Variants in ZNF517 observed in about 807,000 individuals in gnomAD.
The protein encoded by ZNF517 is zinc finger protein 517.
In ZNF517, 12 loss-of-function variants were observed where a neutral mutation model predicts 12.1. The observed-to-expected ratio is 0.99, with a 90% CI of 0.63 to 1.61. The LOEUF is 1.61. Among genes scored for constraint, ZNF517 ranks in the 40% most tolerant of loss-of-function variants. ZNF517 has a pLI of 0.00. For missense variants in ZNF517, 781 were observed against 693.2 expected (o/e 1.13, Z -1.42); for synonymous variants, 388 against 310.2 (o/e 1.25, Z -2.63).
intron 2 of ZNF517, 95 bp downstream of exon 2, chr8:144,803,042 C>G: frequency 6.7e-7 from 1 of 1,498,500 alleles, no homozygotes; most frequent in Non-Finnish European, 9.1e-7. Context: ...TTGCCTCACA[C>G]CCACCCACAT....
chr8:144,809,379 T>C lies in ZNF517; in HGVS notation c.*984T>C, dbSNP rs1405720938. On this transcript the variant is annotated 3_prime_UTR_variant, in exon 5 of 5. Transcript: ENST00000359971. ...GCTGGCGAAGCATTGTTTCTGAGTG[T>C]GTGAGGATGTTTTCAGTGGACTCAG... 1 of 152,182 alleles carries C rather than the reference T, an allele frequency of 6.6e-6. No individual in the cohort carries two copies. The highest frequency in any genetic ancestry group is 2.4e-5 in the African/African-American group (1 of 41,454). 9.4% of individuals were successfully genotyped at this position (152,182 alleles called of 1,614,324 possible).
chr8:144,805,756 C>T (rs1342395250), intron 4 of ZNF517, among the ~76,000 whole-genome samples: 3 of 151,596 alleles, frequency 2.0e-5, no homozygotes, highest in African/African-American at 7.3e-5. Context: ...GCTGGGACTA[C>T]AGACGCCCAC....
At position 144,809,669 on chromosome 8, in the gene ZNF517, C is replaced by G. The variant is rs1208113794; in HGVS notation, c.*1274C>G. 1 of 152,818 alleles carries G rather than the reference C, an allele frequency of 6.5e-6. No homozygotes were observed. The highest frequency in any genetic ancestry group is 1.9e-4 in the East Asian group (1 of 5,204). The allele number at this position is 152,818 out of a possible 1,614,324, so 9.5% of individuals were successfully genotyped here. On this transcript the variant is annotated 3_prime_UTR_variant, in exon 5 of 5. Coordinates refer to ENST00000359971, the MANE Select transcript of ZNF517 (RefSeq NM_213605.3). ...ACCTTCTTACCTGGACTGAGCCTCA[C>G]TTACAGCTTCTCTAGGTCTCCAGCT...
chr8:144,806,633 C>T (rs777218163), intron 4 of ZNF517, among the ~76,000 whole-genome samples: 18 of 151,000 alleles, frequency 1.2e-4, no homozygotes, highest in Non-Finnish European at 2.4e-4. Context: ...TACAGGCGCT[C>T]GCCACCGCAC....
Position 144,807,846 on chromosome 8 carries a change from C to A in ZNF517, c.930C>A (p.Ile310=). 1 of 1,597,758 alleles carries A rather than the reference C, an allele frequency of 6.3e-7. No individual in the cohort carries two copies. The highest frequency in any genetic ancestry group is 1.7e-4 in the Middle Eastern group (1 of 5,990). The change falls in exon 5 of 5, where the codon ATC becomes ATA. Residue 310 remains isoleucine, a synonymous_variant. Transcript: ENST00000359971. Reference sequence around the variant, plus strand: ...TCACCCTCAACGAGCACGGCCGCATCCACAGCGGGGAGCGGCCCTACCGGT... The same window carrying A: ...TCACCCTCAACGAGCACGGCCGCATACACAGCGGGGAGCGGCCCTACCGGT... ...RRFTLNEHGR[I]HSGERPYRCL...
At position 144,803,734 on chromosome 8, in the gene ZNF517, A is replaced by T; in HGVS notation, c.127A>T (p.Met43Leu). ...CCAGCAGGCACTCTACAGGGACGTGATGCTGGAGAACTATGGGAACCTGGC... is the reference window on the plus strand; with the variant it reads ...CCAGCAGGCACTCTACAGGGACGTGTTGCTGGAGAACTATGGGAACCTGGC... ...PDQQALYRDV[M>L]LENYGNLASL... Residue 43 changes from methionine (M) to leucine (L), a missense_variant, in exon 3 of 5, where the codon ATG (methionine) becomes TTG (leucine). Coordinates refer to ENST00000359971, the MANE Select transcript of ZNF517 (RefSeq NM_213605.3). The T allele has an allele frequency of 1.9e-6, 3 of 1,614,148 alleles. No individual in the cohort carries two copies. The highest frequency in any genetic ancestry group is 2.5e-6 in the Non-Finnish European group (3 of 1,179,982).
downstream of ZNF517, chr8:144,810,587 G>A (rs112153467): frequency 0.02 from 4,281 of 214,486 alleles, 160 homozygotes; most frequent in African/African-American, 0.084. Flanking sequence ...CGAAGGTCAG[G>A]GCCAGCCTGG....
rs759115757 is a variant in ZNF517, at chr8:144,807,266, C to T, written c.350C>T (p.Thr117Ile). The T allele has an allele frequency of 1.9e-6, 3 of 1,554,682 alleles. No homozygotes were observed. Among genetic ancestry groups the T allele is most frequent in the Non-Finnish European group, 2.6e-6 (3 of 1,152,704 alleles). ...KLSRQAGLPGTVWGCLPWGHP... is the reference protein window; with the variant it reads ...KLSRQAGLPGIVWGCLPWGHP... Reference sequence around the variant, plus strand: ...TCCAGGCAGGCAGGACTGCCGGGCACCGTGTGGGGGTGCCTCCCCTGGGGG... The same window carrying T: ...TCCAGGCAGGCAGGACTGCCGGGCATCGTGTGGGGGTGCCTCCCCTGGGGG... Residue 117 changes from threonine to isoleucine, a missense_variant, in exon 5 of 5, where the codon ACC (threonine) becomes ATC (isoleucine). Transcript: ENST00000359971.
Position 144,807,868 on chromosome 8 carries a change from C to T in ZNF517, c.952C>T (p.Arg318Trp), listed in dbSNP as rs748031806. 2.5e-6 allele frequency: 4 copies of T among 1,569,714 alleles called. No individual in the cohort carries two copies. The highest frequency in any genetic ancestry group is 2.6e-6 in the Non-Finnish European group (3 of 1,159,654). ...GRIHSGERPY[R>W]CLRCGQRFIR... Reference sequence around the variant, plus strand: ...CATCCACAGCGGGGAGCGGCCCTACCGGTGCCTGCGGTGTGGGCAGCGCTT... The same window carrying T: ...CATCCACAGCGGGGAGCGGCCCTACTGGTGCCTGCGGTGTGGGCAGCGCTT... The change falls in exon 5 of 5, where the codon CGG (arginine) becomes TGG (tryptophan). Residue 318 changes from arginine to tryptophan, a missense_variant. Transcript: ENST00000359971.
chr8:144,810,524 C>T (rs1250798869), downstream of ZNF517: 1 of 333,862 alleles, frequency 3.0e-6, no homozygotes, highest in African/African-American at 2.1e-5. Flanking sequence ...AAGGGTTGTC[C>T]CTGAGCATCC....
chr8:144,801,719 A>G (rs1826972177), intron 1 of ZNF517, among the ~76,000 whole-genome samples: 1 of 152,146 alleles, frequency 6.6e-6, no homozygotes, highest in South Asian at 2.1e-4. Flanking sequence ...GCACCTGGCC[A>G]AAAAAGTGTT....
rs749846497 is a variant in ZNF517 at position 144,802,919 on chromosome 8, C to T, written c.5C>T (p.Ala2Val). 8 of 1,613,942 alleles carry T rather than the reference C, an allele frequency of 5.0e-6. No individual in the cohort carries two copies. Among genetic ancestry groups the T allele is most frequent in the East Asian group, 2.2e-5 (1 of 44,874 alleles). M[A>V]MALPMPGPQE... ...CCTCCACAGAGGGACCCTGGAATGG[C>T]GATGGCACTCCCGATGCCTGGACCT... The change falls in exon 2 of 5, where the codon GCG becomes GTG. Residue 2 changes from alanine (A) to valine (V), a missense_variant. Ala to Val is a moderately conservative substitution (Grantham distance 64). Coordinates refer to ENST00000359971, the MANE Select transcript of ZNF517 (RefSeq NM_213605.3).
Position 144,808,435 on chromosome 8 carries a change from A to G in ZNF517, c.*40A>G. ...GGCCGAGGATTCACGCTGGAAGCCC[A>G]CCCAAGCCGGCGGGGCCCTAGCGCA... On this transcript the variant is annotated 3_prime_UTR_variant, in exon 5 of 5. Coordinates refer to ENST00000359971, the MANE Select transcript of ZNF517 (RefSeq NM_213605.3). The G allele has an allele frequency of 2.1e-6, 3 of 1,436,908 alleles. No individual in the cohort carries two copies. Among genetic ancestry groups the G allele is most frequent in the Non-Finnish European group, 2.7e-6 (3 of 1,095,722 alleles). The allele number at this position is 1,436,908 out of a possible 1,614,324, so 89.0% of individuals were successfully genotyped here. A position where few individuals can be genotyped will look rare whatever the true frequency, so the allele number is the denominator to read the frequency against.
chr8:144,807,709 G>GAGTGCGGCA lies in ZNF517; in HGVS notation c.796_804dup (p.Cys266_Lys268dup), dbSNP rs1827326319. ...CCGCGAGCGGCCCTACGCATGCGGC[G>GAGTGCGGCA]AGTGCGGCAAGGCCTTCAGCCGCAG... On this transcript the variant is annotated inframe_insertion, in exon 5 of 5. Coordinates refer to ENST00000359971, the MANE Select transcript of ZNF517 (RefSeq NM_213605.3). 6.2e-7 allele frequency: 1 copy of GAGTGCGGCA among 1,611,436 alleles called. No individual in the cohort carries two copies. The highest frequency in any genetic ancestry group is 8.5e-7 in the Non-Finnish European group (1 of 1,179,442).
chr8:144,801,548 G>A (rs978886621), intron 1 of ZNF517, among the ~76,000 whole-genome samples: 1 of 151,988 alleles, frequency 6.6e-6, no homozygotes, highest in Non-Finnish European at 1.5e-5. Flanking sequence ...CGCGATCTCA[G>A]CTCACTGCAA....
In ZNF517 at chr8:144,803,380, G is replaced by A. The variant is rs1827062286; in HGVS notation, c.34-261G>A. On this transcript the variant is annotated intron_variant, in intron 2 of 4. Coordinates refer to ENST00000359971, the MANE Select transcript of ZNF517 (RefSeq NM_213605.3). ...ATCCCTGATAGCCTGTGGAGAGGGC[G>A]AGGCCAAGGTTGGGACCCCCTTCCT... 2.7e-5 allele frequency: 14 copies of A among 518,522 alleles called. No individual in the cohort carries two copies. The East Asian group carries it at 3.9e-4, about 15-fold the overall frequency. The allele number at this position is 518,522 out of a possible 1,614,324, so 32.1% of individuals were successfully genotyped here.
rs745426670 is a variant in ZNF517 at position 144,808,131 on chromosome 8, C to G, written c.1215C>G (p.Phe405Leu). The part of the protein sequence containing the change: ...PFECAECGKA[F>L]GRKSNLTLHQ... ...AGTGCGCGGAGTGCGGCAAGGCCTT[C>G]GGTCGCAAGTCCAACCTCACTCTGC... Residue 405 changes from phenylalanine (F) to leucine (L), a missense_variant, in exon 5 of 5, where the codon TTC becomes TTG. By Grantham distance (22) the Phe-to-Leu change is conservative. Coordinates refer to ENST00000359971, the MANE Select transcript of ZNF517 (RefSeq NM_213605.3). 6.2e-7 allele frequency: 1 copy of G among 1,612,376 alleles called. No individual in the cohort carries two copies. The highest frequency in any genetic ancestry group is 1.7e-5 in the Admixed American group (1 of 59,944).
rs577529470 is a variant in ZNF517, at chr8:144,803,357, C to A, written c.34-284C>A. Reference sequence around the variant, plus strand: ...CAGTGCAGGTGCTCCTTCCCCAAATCCCTGATAGCCTGTGGAGAGGGCGAG... The same window carrying A: ...CAGTGCAGGTGCTCCTTCCCCAAATACCTGATAGCCTGTGGAGAGGGCGAG... On this transcript the variant is annotated intron_variant, in intron 2 of 4. Transcript: ENST00000359971. 1.0e-5 allele frequency: 5 copies of A among 479,842 alleles called. No individual in the cohort carries two copies. The Admixed American group carries it at 1.1e-4, about 10-fold the overall frequency. 29.7% of individuals were successfully genotyped at this position (479,842 alleles called of 1,614,324 possible). A position where few individuals can be genotyped will look rare whatever the true frequency, so the allele number is the denominator to read the frequency against.
chr8:144,805,732 C>T (rs922247621), intron 4 of ZNF517, among the ~76,000 whole-genome samples: 11 of 151,846 alleles, frequency 7.2e-5, no homozygotes, highest in African/African-American at 2.7e-4. Flanking sequence ...TCTTCTGCCT[C>T]AGCCTCCCGA....
Sources: allele counts gnomAD v4.1 joint callset (sites outside exome capture counted in the v4.1 genomes callset), GRCh38; gene constraint gnomAD v4.1.1; transcripts MANE v1.5; gene names NCBI Gene and HGNC (gene_info 2026-07-23, HGNC 2026-07-21).